MAGI2: variants seen among roughly 807,000 people sequenced by gnomAD.
MAGI2 encodes membrane associated guanylate kinase, WW and PDZ domain containing 2.
Under a neutral mutation model 133.3 loss-of-function variants are expected in MAGI2, and 35 were observed. The observed-to-expected ratio is 0.26, with a 90% CI of 0.20 to 0.35. The LOEUF is 0.35. Ranked by LOEUF, MAGI2 falls within the 10% of genes least tolerant of loss-of-function variation. The pLI, the probability that MAGI2 is intolerant of heterozygous loss-of-function variation, is 1.00. For synonymous variants in MAGI2, 729 were observed against 710.6 expected (o/e 1.03, Z -0.41); for missense variants, 1,636 against 1,863.4 (o/e 0.88, Z 2.25).
At chr7:78,783,142 T>C (rs944105154) in intron 2 of MAGI2, among the ~76,000 whole-genome samples, 1 of 148,496 alleles carries the variant, frequency 6.7e-6, no homozygotes, top group African/African-American at 2.5e-5. Flanking sequence ...CCAAGAAAAA[T>C]ATTAGGTGCT....
At chr7:79,181,036 G>C (rs1467741826) in intron 1 of MAGI2, among the ~76,000 whole-genome samples, 1 of 151,900 alleles carries the variant, frequency 6.6e-6, no homozygotes, top group Non-Finnish European at 1.5e-5. Context: ...GGCTTTGCAG[G>C]GTACAGTCTC....
At chr7:78,356,256 A>G (rs1425618686) in intron 7 of MAGI2, among the ~76,000 whole-genome samples, 1 of 152,166 alleles carries the variant, frequency 6.6e-6, no homozygotes, top group East Asian at 1.9e-4. Context: ...TAACAAAACT[A>G]TGTATGTCTC....
Position 78,879,916 on chromosome 7 carries a change from A to T in MAGI2, c.418+127174T>A, listed in dbSNP as rs373614610. ...TGGAATTGCAAAACTTCACTTAAGG[A>T]ATTTTAAAATACATTTGAAAGCTTT... On this transcript the variant is annotated intron_variant, in intron 2 of 21. Coordinates refer to ENST00000354212, the MANE Select transcript of MAGI2 (RefSeq NM_012301.4). Among the ~76,000 whole-genome samples the T allele has an allele frequency of 1.8e-4, 27 of 152,206 alleles. 1 individual carries two copies. Among genetic ancestry groups the T allele is most frequent in the East Asian group, 1.7e-3 (9 of 5,172 alleles).
chr7:78,646,992 G>A (rs1194953735), intron 2 of MAGI2, among the ~76,000 whole-genome samples: 1 of 152,162 alleles, frequency 6.6e-6, no homozygotes, highest in Non-Finnish European at 1.5e-5. Context: ...AACCGCCTTG[G>A]TGGGTGGGTG....
chr7:78,677,141 T>C (rs1455367710), intron 2 of MAGI2, among the ~76,000 whole-genome samples: 1 of 152,100 alleles, frequency 6.6e-6, no homozygotes, highest in Non-Finnish European at 1.5e-5. Flanking sequence ...GTCCATTACA[T>C]AGGGCCTGCT....
intron 1 of MAGI2, among the ~76,000 whole-genome samples, chr7:79,095,090 G>T (rs1817404963): frequency 1.3e-5 from 2 of 152,180 alleles, no homozygotes; most frequent in Non-Finnish European, 2.9e-5. Flanking sequence ...AAGCTATTTT[G>T]CCTACATTAA....
intron 1 of MAGI2, among the ~76,000 whole-genome samples, chr7:79,047,067 C>T (rs1812241249): frequency 6.6e-6 from 1 of 152,030 alleles, no homozygotes. Flanking sequence ...TTAGAATATT[C>T]TTATATTCTC....
chr7:79,388,223 GC>G (rs1844334579), intron 1 of MAGI2, among the ~76,000 whole-genome samples: 1 of 151,862 alleles, frequency 6.6e-6, no homozygotes, highest in African/African-American at 2.4e-5. Flanking sequence ...GCTAAAACAT[GC>G]CTTTTAAATC....
chr7:78,153,981 T>C (rs1477175626), intron 16 of MAGI2, among the ~76,000 whole-genome samples: 2 of 152,228 alleles, frequency 1.3e-5, no homozygotes, highest in Non-Finnish European at 2.9e-5. Context: ...AGACCTTGGC[T>C]TTTGTTTTAC....
At chr7:78,502,426 A>T (rs958967513) in intron 4 of MAGI2, among the ~76,000 whole-genome samples, 1 of 152,178 alleles carries the variant, frequency 6.6e-6, no homozygotes, top group Non-Finnish European at 1.5e-5. Flanking sequence ...TCCGGAAAGG[A>T]ACACAGCTCT....
chr7:79,182,447 G>A (rs949236442), intron 1 of MAGI2, among the ~76,000 whole-genome samples: 1 of 151,852 alleles, frequency 6.6e-6, no homozygotes, highest in Non-Finnish European at 1.5e-5. Context: ...CTGCAGGAAA[G>A]TCCTGTCCCC....
At chr7:79,136,003 G>GGGAAAGAA (rs1554375908) in intron 1 of MAGI2, among the ~76,000 whole-genome samples, 2 of 40,890 alleles carry the variant, frequency 4.9e-5, no homozygotes, top group African/African-American at 1.8e-4. Context: ...AAGAAAGAAA[G>GGGAAAGAA]AGAAAGAAAG....
chr7:78,468,948 A>C (rs1790919315), intron 6 of MAGI2, among the ~76,000 whole-genome samples: 1 of 152,180 alleles, frequency 6.6e-6, no homozygotes, highest in African/African-American at 2.4e-5. Context: ...TACCATGTTC[A>C]GATTTAAGGA....
chr7:78,593,349 A>G (rs979486897), intron 3 of MAGI2, among the ~76,000 whole-genome samples: 12 of 151,956 alleles, frequency 7.9e-5, no homozygotes, highest in African/African-American at 2.4e-4. Context: ...CTGAGATCGC[A>G]CTACTGCACT....
At chr7:78,281,609 G>A (rs1450462718) in intron 9 of MAGI2, among the ~76,000 whole-genome samples, 2 of 152,042 alleles carry the variant, frequency 1.3e-5, no homozygotes, top group Admixed American at 6.6e-5. Flanking sequence ...CTTTATAGCA[G>A]TATGAAAATG....
intron 1 of MAGI2, among the ~76,000 whole-genome samples, chr7:79,092,027 A>G (rs1036949054): frequency 2.0e-5 from 3 of 152,072 alleles, no homozygotes; most frequent in Non-Finnish European, 4.4e-5. Context: ...GCTATACACT[A>G]TGCTAACCAG....
chr7:79,328,897 T>C (rs1189746584), intron 1 of MAGI2, among the ~76,000 whole-genome samples: 2 of 152,186 alleles, frequency 1.3e-5, no homozygotes, highest in African/African-American at 2.4e-5. Flanking sequence ...GTTTAATTGA[T>C]TGTATCGCTG....
chr7:78,829,670 T>A (rs997008024), intron 2 of MAGI2, among the ~76,000 whole-genome samples: 1 of 152,124 alleles, frequency 6.6e-6, no homozygotes. Flanking sequence ...TCTCTTGTTT[T>A]AAAATTCCAA....
chr7:79,062,856 C>T (rs1302279941), intron 1 of MAGI2, among the ~76,000 whole-genome samples: 9 of 152,054 alleles, frequency 5.9e-5, no homozygotes, highest in Non-Finnish European at 1.0e-4. Flanking sequence ...ATGCTAATTC[C>T]TATCTTAGTA....
Sources: gnomAD v4.1 joint callset for allele counts (sites outside exome capture counted in the v4.1 genomes callset) on GRCh38, gnomAD v4.1.1 for gene constraint, MANE v1.5 for transcripts, NCBI Gene and HGNC (gene_info 2026-07-23, HGNC 2026-07-21) for gene names.